The following GPC5 variants were observed in gnomAD, a reference collection of about 807,000 sequenced individuals.
GPC5 encodes glypican-5.
A neutral mutation model predicts 53.9 loss-of-function variants in GPC5; 47 were observed. The observed-to-expected ratio is 0.87, with a 90% CI of 0.69 to 1.11. The LOEUF is 1.11. GPC5 is among the 50% of genes most tolerant of loss of function. The pLI is 0.00. For synonymous variants in GPC5, 286 were observed against 263.3 expected (o/e 1.09, Z -0.84); for missense variants, 748 against 713.1 (o/e 1.05, Z -0.56).
intron 5 of GPC5, among the ~76,000 whole-genome samples, chr13:91,887,748 T>A (rs1489727026): frequency 6.6e-6 from 1 of 152,144 alleles, no homozygotes; most frequent in African/African-American, 2.4e-5. Context: ...AAGCTCCTCA[T>A]CTCCATCTCC....
intron 2 of GPC5, among the ~76,000 whole-genome samples, chr13:91,562,983 G>A (rs570524497): frequency 1.3e-5 from 2 of 152,066 alleles, no homozygotes; most frequent in Non-Finnish European, 2.9e-5. Flanking sequence ...GCCATTTAAA[G>A]TAATTTTACA....
chr13:92,673,369 C>T (rs1042896056), intron 7 of GPC5, among the ~76,000 whole-genome samples: 4 of 151,642 alleles, frequency 2.6e-5, no homozygotes, highest in African/African-American at 7.3e-5. Context: ...GCAACCTCCA[C>T]CTCCCAGGTT....
chr13:92,176,289 G>A (rs553097556), intron 7 of GPC5, among the ~76,000 whole-genome samples: 80 of 152,294 alleles, frequency 5.3e-4, no homozygotes, highest in African/African-American at 1.8e-3. Flanking sequence ...GCTCTCCCTG[G>A]ATAAAGTACA....
intron 7 of GPC5, among the ~76,000 whole-genome samples, chr13:92,578,209 G>A (rs1452691414): frequency 6.6e-6 from 1 of 152,122 alleles, no homozygotes; most frequent in Non-Finnish European, 1.5e-5. Context: ...CAGGGACATG[G>A]CTCAATCGAA....
intron 7 of GPC5, among the ~76,000 whole-genome samples, chr13:92,613,448 A>ATG (rs1884547007): frequency 1.1e-5 from 1 of 94,138 alleles, no homozygotes; most frequent in African/African-American, 4.5e-5. Context: ...AAATATATAT[A>ATG]TTTATATATA....
At chr13:92,427,096 C>T (rs1462254807) in intron 7 of GPC5, among the ~76,000 whole-genome samples, 1 of 151,324 alleles carries the variant, frequency 6.6e-6, no homozygotes, top group Non-Finnish European at 1.5e-5. Context: ...TGAAAAAAAA[C>T]ATTTCACCTA....
In GPC5 at chr13:91,571,832, CAT is replaced by C. The variant is rs1491095697; in HGVS notation, c.326-121351_326-121350del. 1.4e-4 allele frequency among the ~76,000 whole-genome samples: 12 copies of C among 84,996 alleles called. 2 individuals carry two copies. The highest frequency in any genetic ancestry group is 1.2e-4 in the Admixed American group (1 of 8,622). 55.8% of individuals were successfully genotyped at this position (84,996 alleles called of 152,430 possible). A position where few individuals can be genotyped will look rare whatever the true frequency, so the allele number is the denominator to read the frequency against. On this transcript the variant is annotated intron_variant, in intron 2 of 7. Transcript: ENST00000377067. ...ACACATACGTGTGTGTATATATACA[CAT>C]ATACTTGTGTGTATATACACATATA...
intron 2 of GPC5, among the ~76,000 whole-genome samples, chr13:91,598,995 A>T (rs1375687839): frequency 6.6e-6 from 1 of 152,164 alleles, no homozygotes; most frequent in Non-Finnish European, 1.5e-5. Context: ...AAGTTCTACA[A>T]GTGCCAAAGG....
intron 2 of GPC5, among the ~76,000 whole-genome samples, chr13:91,498,349 TG>T (rs1386475012): frequency 6.6e-6 from 1 of 151,866 alleles, no homozygotes; most frequent in Non-Finnish European, 1.5e-5. Context: ...AATTTTAAGT[TG>T]CACATTTTGT....
chr13:92,451,544 C>G (rs188182455), intron 7 of GPC5, among the ~76,000 whole-genome samples: 1 of 151,304 alleles, frequency 6.6e-6, no homozygotes, highest in East Asian at 1.9e-4. Flanking sequence ...AAGTGATTAA[C>G]GTTATGTATA....
intron 6 of GPC5, among the ~76,000 whole-genome samples, chr13:92,022,696 C>G (rs1424171752): frequency 2.0e-5 from 3 of 151,844 alleles, no homozygotes; most frequent in Non-Finnish European, 4.4e-5. Flanking sequence ...ACAACTAAAA[C>G]TCCTAGAATT....
At chr13:91,411,918 T>A (rs1877821400) in intron 1 of GPC5, among the ~76,000 whole-genome samples, 1 of 152,236 alleles carries the variant, frequency 6.6e-6, no homozygotes, top group Non-Finnish European at 1.5e-5. Flanking sequence ...CTAGAGTTAC[T>A]TTATAAAAGT....
At chr13:91,619,842 A>T (rs1257028226) in intron 2 of GPC5, among the ~76,000 whole-genome samples, 1 of 152,142 alleles carries the variant, frequency 6.6e-6, no homozygotes, top group Non-Finnish European at 1.5e-5. Flanking sequence ...TGTGTGCTTT[A>T]ACATCAATAC....
At chr13:91,469,174 T>C (rs745715780) in intron 2 of GPC5, among the ~76,000 whole-genome samples, 2 of 152,020 alleles carry the variant, frequency 1.3e-5, no homozygotes, top group Non-Finnish European at 2.9e-5. Context: ...AGTGGCATGA[T>C]CTCGGCTCAC....
At chr13:92,072,439 G>A (rs2041220119) in intron 6 of GPC5, among the ~76,000 whole-genome samples, 1 of 151,456 alleles carries the variant, frequency 6.6e-6, no homozygotes, top group East Asian at 1.9e-4. Context: ...GCTAATTTTT[G>A]TATTTTTAGT....
intron 2 of GPC5, among the ~76,000 whole-genome samples, chr13:91,552,527 C>T (rs2030702559): frequency 6.6e-6 from 1 of 151,962 alleles, no homozygotes; most frequent in Admixed American, 6.6e-5. Flanking sequence ...AACAGCAAAC[C>T]AGTCATTAGC....
chr13:92,815,894 G>A (rs944266480), intron 7 of GPC5, among the ~76,000 whole-genome samples: 2 of 151,948 alleles, frequency 1.3e-5, no homozygotes, highest in Non-Finnish European at 2.9e-5. Context: ...AACAGTTTTG[G>A]AGATGGAAAT....
At chr13:92,091,363 G>A (rs1198127983) in intron 6 of GPC5, among the ~76,000 whole-genome samples, 1 of 151,700 alleles carries the variant, frequency 6.6e-6, no homozygotes, top group Non-Finnish European at 1.5e-5. Context: ...ATCATTTTGA[G>A]GATTAAGATT....
intron 2 of GPC5, among the ~76,000 whole-genome samples, chr13:91,641,152 G>A (rs1368067124): frequency 6.6e-6 from 1 of 151,922 alleles, no homozygotes; most frequent in Non-Finnish European, 1.5e-5. Flanking sequence ...ACGGTGAAAC[G>A]CAGTCTTTAC....
Sources: gnomAD v4.1 joint callset for allele counts (sites outside exome capture counted in the v4.1 genomes callset) on GRCh38, gnomAD v4.1.1 for gene constraint, MANE v1.5 for transcripts, NCBI Gene and HGNC (gene_info 2026-07-23, HGNC 2026-07-21) for gene names.